DPP6: variants seen among roughly 807,000 people sequenced by gnomAD.
DPP6 encodes A-type potassium channel modulatory protein DPP6.
DPP6 carries 69 observed loss-of-function variants against 122.6 expected under a neutral mutation model. That is an observed-to-expected ratio of 0.56 (90% CI 0.46 to 0.69). The LOEUF (loss-of-function observed/expected upper bound fraction) is 0.69, where lower values mean the gene tolerates loss of function less well. Among genes scored for constraint, DPP6 ranks in the 30% least tolerant of loss-of-function variants. The pLI is 0.00. For missense variants in DPP6, 928 were observed against 1,116.9 expected (o/e 0.83, Z 2.41); for synonymous variants, 418 against 433.1 (o/e 0.97, Z 0.43).
chr7:154,299,579 G>A (rs1329948522), intron 1 of DPP6, among the ~76,000 whole-genome samples: 1 of 152,098 alleles, frequency 6.6e-6, no homozygotes, highest in South Asian at 2.1e-4. Flanking sequence ...CAGAAGAATC[G>A]TACCCTGCTG....
At chr7:153,977,495 A>G (rs991471838) in intron 1 of DPP6, among the ~76,000 whole-genome samples, 5 of 152,136 alleles carry the variant, frequency 3.3e-5, no homozygotes, top group African/African-American at 1.2e-4. Context: ...CCTTATGAGA[A>G]GTACCCGAGC....
At chr7:154,733,342 G>T (rs1055673652) in intron 8 of DPP6, among the ~76,000 whole-genome samples, 6 of 152,252 alleles carry the variant, frequency 3.9e-5, no homozygotes, top group African/African-American at 1.2e-4. Flanking sequence ...AGGGCCCTCA[G>T]TCCTGCTGGA....
rs528574738 is a variant in DPP6 at position 154,569,178 on chromosome 7, A to G, written c.627+2262A>G. ...AAGATCTTCCTAACTAGATAAACTA[A>G]AATGTAAGTAATTTTAGAAAAGGGA... On this transcript the variant is annotated intron_variant, in intron 5 of 25. Transcript: ENST00000377770. Among the ~76,000 whole-genome samples, 15 of 152,102 alleles carry G rather than the reference A, an allele frequency of 9.9e-5. 1 individual carries two copies. The highest frequency in any genetic ancestry group is 3.6e-4 in the African/African-American group (15 of 41,380).
intron 12 of DPP6, among the ~76,000 whole-genome samples, chr7:154,800,344 G>C (rs1798286064): frequency 6.6e-6 from 1 of 152,192 alleles, no homozygotes; most frequent in Non-Finnish European, 1.5e-5. Context: ...GCTTGTGCCA[G>C]CTGGGGTTTA....
At chr7:153,948,649 A>G (rs1024893584) in intron 1 of DPP6, among the ~76,000 whole-genome samples, 2 of 151,404 alleles carry the variant, frequency 1.3e-5, no homozygotes, top group Non-Finnish European at 2.9e-5. Flanking sequence ...CAGATGAGAT[A>G]AAATATGTAG....
chr7:154,608,480 A>C (rs1317947551), intron 5 of DPP6, among the ~76,000 whole-genome samples: 1 of 140,518 alleles, frequency 7.1e-6, no homozygotes, highest in Non-Finnish European at 1.5e-5. Context: ...GGAGCGTGCC[A>C]CTACACCTGG....
intron 1 of DPP6, among the ~76,000 whole-genome samples, chr7:154,008,430 A>G (rs1437056984): frequency 1.3e-5 from 2 of 152,290 alleles, no homozygotes; most frequent in Non-Finnish European, 2.9e-5. Context: ...CACAGGGACT[A>G]GCGACATAGG....
chr7:154,728,996 C>T (rs1383583981), intron 8 of DPP6, among the ~76,000 whole-genome samples: 1 of 152,154 alleles, frequency 6.6e-6, no homozygotes, highest in Non-Finnish European at 1.5e-5. Context: ...GGGACACAGA[C>T]ATTCAGTTCA....
exon 1 of DPP6, chr7:153,887,469 C>T: frequency 2.0e-6 from 1 of 490,700 alleles, no homozygotes; most frequent in Non-Finnish European, 3.7e-6. Context: ...TTGGTAGCGG[C>T]CAAAAAGAGT....
intron 1 of DPP6, among the ~76,000 whole-genome samples, chr7:154,087,680 C>G (rs1408729445): frequency 6.6e-6 from 1 of 152,178 alleles, no homozygotes. Context: ...TGGTCCTTTG[C>G]TGCCCCGTTC....
intron 18 of DPP6, among the ~76,000 whole-genome samples, chr7:154,868,378 C>T (rs1804077260): frequency 6.6e-6 from 1 of 152,214 alleles, no homozygotes; most frequent in African/African-American, 2.4e-5. Flanking sequence ...TCTTTGGTGA[C>T]CGTGTCAAGA....
intron 1 of DPP6, among the ~76,000 whole-genome samples, chr7:154,194,309 A>G (rs1210477849): frequency 6.6e-6 from 1 of 152,242 alleles, no homozygotes; most frequent in Non-Finnish European, 1.5e-5. Context: ...ATAGAAGGGA[A>G]TTATCATAAA....
At chr7:154,796,715 T>C (rs983183470) in intron 12 of DPP6, among the ~76,000 whole-genome samples, 3 of 152,206 alleles carry the variant, frequency 2.0e-5, no homozygotes, top group African/African-American at 7.2e-5. Context: ...ATCCTATTTA[T>C]GGAAAATAAC....
chr7:154,253,701 A>G (rs1225853385), intron 1 of DPP6, among the ~76,000 whole-genome samples: 1 of 152,238 alleles, frequency 6.6e-6, no homozygotes, highest in Non-Finnish European at 1.5e-5. Flanking sequence ...TGCTCTCTAG[A>G]AAAAGGAACA....
intron 1 of DPP6, among the ~76,000 whole-genome samples, chr7:154,340,905 GCT>G (rs1205274401): frequency 1.3e-5 from 2 of 152,048 alleles, no homozygotes; most frequent in African/African-American, 4.8e-5. Flanking sequence ...GCTCTTTTTG[GCT>G]CTGAGTGTGC....
At chr7:153,768,780 G>T in the DPP6 span, among the ~76,000 whole-genome samples, 1 of 152,112 alleles carries the variant, frequency 6.6e-6, no homozygotes, top group East Asian at 1.9e-4. Flanking sequence ...TACCACCTAT[G>T]ACTACTTTTT....
intron 1 of DPP6, among the ~76,000 whole-genome samples, chr7:154,414,732 A>G (rs1816876167): frequency 6.6e-6 from 1 of 152,142 alleles, no homozygotes; most frequent in Admixed American, 6.5e-5. Flanking sequence ...ATAGGGCTGG[A>G]TAGGGCTGGA....
Position 154,017,320 on chromosome 7 carries a change from C to T in DPP6, c.51+129586C>T, listed in dbSNP as rs190222250. 1.0e-3 allele frequency among the ~76,000 whole-genome samples: 156 copies of T among 152,280 alleles called. 4 individuals carry two copies. In the East Asian group the frequency reaches 0.028, roughly 27 times the overall value. ...TGGGTTCTAAGTGATTGTCCCTCCT[C>T]GACCTCCCAAAGTGCTGGGATTACA... On this transcript the variant is annotated intron_variant, in intron 1 of 25. Transcript: ENST00000404039.
In DPP6 at chr7:154,889,322, G is replaced by C. The variant is rs1359603641; in HGVS notation, c.2355G>C (p.Leu785=). The change falls in exon 24 of 26, where the codon CTG becomes CTC. Residue 785 remains leucine (L), a synonymous_variant. Coordinates refer to ENST00000377770, the MANE Select transcript of DPP6 (RefSeq NM_130797.4). The stretch of plus-strand genomic sequence containing the variant: ...CCGCGCTGGAAGAACAGCAGTTCCT[G>C]ATCATTCATCCCACTGCCGATGGTA... The part of the protein sequence containing the change: ...RVSALEEQQF[L]IIHPTADEKI... The C allele has an allele frequency of 5.0e-5, 80 of 1,612,622 alleles. No individual in the cohort carries two copies. Among genetic ancestry groups the C allele is most frequent in the Non-Finnish European group, 6.5e-5 (77 of 1,179,676 alleles).
Sources: gnomAD v4.1 joint callset for allele counts (sites outside exome capture counted in the v4.1 genomes callset) on GRCh38, gnomAD v4.1.1 for gene constraint, MANE v1.5 for transcripts, NCBI Gene and HGNC (gene_info 2026-07-23, HGNC 2026-07-21) for gene names.